Variants in NAV3 observed in about 807,000 individuals in gnomAD.
NAV3 encodes neuron navigator 3.
A neutral mutation model predicts 244.7 loss-of-function variants in NAV3; 87 were observed. The ratio of observed to expected loss-of-function variants is 0.36; its 90% CI spans 0.30 to 0.42. NAV3 has a LOEUF of 0.42. Ranked by LOEUF, NAV3 falls within the 20% of genes least tolerant of loss-of-function variation. NAV3 has a pLI of 1.00. For missense variants in NAV3, 2,663 were observed against 2,893.3 expected, an observed-to-expected ratio of 0.92 and a Z score of 1.83; for synonymous variants, 1,126 against 1,042.2, an observed-to-expected ratio of 1.08 and a Z score of -1.55.
At chr12:78,067,530 T>C (rs1329901787) in intron 12 of NAV3, among the ~76,000 whole-genome samples, 6 of 152,066 alleles carry the variant, frequency 3.9e-5, no homozygotes, top group Admixed American at 3.3e-4. Flanking sequence ...GTGAATAACC[T>C]CAGAGGCTTC....
chr12:78,146,580 G>C (rs928312254), intron 21 of NAV3, among the ~76,000 whole-genome samples, 188 bp downstream of exon 21: 4 of 152,082 alleles, frequency 2.6e-5, no homozygotes, highest in African/African-American at 9.7e-5. Context: ...AAGGAAGTTT[G>C]TATAGCAAGC....
intron 18 of NAV3, among the ~76,000 whole-genome samples, chr12:78,129,207 G>A (rs1380417162): frequency 6.6e-6 from 1 of 152,100 alleles, no homozygotes; most frequent in Non-Finnish European, 1.5e-5. Context: ...TTTAATCCCA[G>A]GGGCCTTTCC....
intron 11 of NAV3, among the ~76,000 whole-genome samples, chr12:78,052,998 C>T (rs140283761): frequency 0.015 from 2,352 of 152,020 alleles, 68 homozygotes; most frequent in African/African-American, 0.053. Flanking sequence ...GCAGATGGAT[C>T]GCCTGAGGTC....
At chr12:77,605,274 T>C (rs1163727110) in intron 2 of NAV3, among the ~76,000 whole-genome samples, 1 of 152,114 alleles carries the variant, frequency 6.6e-6, no homozygotes, top group Non-Finnish European at 1.5e-5. Context: ...CCCCACAAAG[T>C]ATTATAGGTA....
At chr12:77,968,483 A>G (rs770775201) in intron 4 of NAV3, 36 bp from the exon 5 acceptor site, 2 of 1,521,642 alleles carry the variant, frequency 1.3e-6, no homozygotes, top group African/African-American at 2.8e-5. Flanking sequence ...CATTAAATAC[A>G]TATGATTCTT....
chr12:78,200,597 G>A lies in NAV3; in HGVS notation c.6834+6G>A. 7.2e-7 allele frequency: 1 copy of A among 1,391,716 alleles called. No individual in the cohort carries two copies. The highest frequency in any genetic ancestry group is 1.5e-5 in the South Asian group (1 of 67,536). The allele number at this position is 1,391,716 out of a possible 1,614,324, so 86.2% of individuals were successfully genotyped here. A position where few individuals can be genotyped will look rare whatever the true frequency, so the allele number is the denominator to read the frequency against. Reference sequence around the variant, plus strand: ...CAGTGAGAGAGGGTCTTCAGGTATAGTACTCAATTTTCATTGCTATTTTTT... The same window carrying A: ...CAGTGAGAGAGGGTCTTCAGGTATAATACTCAATTTTCATTGCTATTTTTT... On this transcript the variant is annotated splice_donor_region_variant and intron_variant, in intron 38 of 39. Coordinates refer to ENST00000397909, the MANE Select transcript of NAV3 (RefSeq NM_001024383.2).
intron 2 of NAV3, among the ~76,000 whole-genome samples, chr12:77,612,577 T>A (rs1012794018): frequency 5.9e-5 from 9 of 152,108 alleles, no homozygotes; most frequent in African/African-American, 2.2e-4. Flanking sequence ...GGTATGTGCC[T>A]TTATCTAAAC....
At chr12:77,626,067 T>A (rs867985142) in intron 2 of NAV3, among the ~76,000 whole-genome samples, 3 of 152,028 alleles carry the variant, frequency 2.0e-5, no homozygotes, top group Admixed American at 1.3e-4. Context: ...CAACTCGTGA[T>A]CTAAATGAAA....
At chr12:78,185,827 GTCATAC>G (rs1958691051) in intron 31 of NAV3, 129 bp downstream of exon 31, 2 of 712,214 alleles carry the variant, frequency 2.8e-6, no homozygotes, top group African/African-American at 3.6e-5. Context: ...AGCTTAACAT[GTCATAC>G]AAACATGAAA....
chr12:78,109,815 T>C (rs1566144637), intron 12 of NAV3, among the ~76,000 whole-genome samples: 1 of 151,950 alleles, frequency 6.6e-6, no homozygotes, highest in Non-Finnish European at 1.5e-5. Context: ...AAAGGCCATA[T>C]GTGACAAACT....
chr12:78,064,252 A>G (rs1162259927), intron 12 of NAV3, among the ~76,000 whole-genome samples: 2 of 152,156 alleles, frequency 1.3e-5, no homozygotes, highest in South Asian at 4.1e-4. Context: ...AGTTTTTCAC[A>G]GTTCTGGAGG....
At chr12:78,009,993 T>G (rs945262324) in intron 8 of NAV3, among the ~76,000 whole-genome samples, 2 of 152,158 alleles carry the variant, frequency 1.3e-5, no homozygotes, top group Non-Finnish European at 2.9e-5. Flanking sequence ...GGTGGGAGGA[T>G]GACTTGAGGC....
chr12:78,073,558 A>C (rs1394353460), intron 12 of NAV3, among the ~76,000 whole-genome samples: 2 of 152,018 alleles, frequency 1.3e-5, no homozygotes, highest in East Asian at 1.9e-4. Context: ...CAAATGGAAG[A>C]ACATTCCATG....
chr12:77,625,573 C>G (rs185335281), intron 2 of NAV3, among the ~76,000 whole-genome samples: 1 of 152,266 alleles, frequency 6.6e-6, no homozygotes, highest in African/African-American at 2.4e-5. Flanking sequence ...CTGCCATTAC[C>G]ACTAATGCCC....
Position 77,650,216 on chromosome 12 carries a change from A to T in NAV3, c.72+77950A>T, listed in dbSNP as rs17044051. Among the ~76,000 whole-genome samples the T allele has an allele frequency of 2.1e-3, 319 of 152,326 alleles. 7 individuals are homozygous for T. In the East Asian group the frequency reaches 0.058, roughly 28 times the overall value. On this transcript the variant is annotated intron_variant, in intron 2 of 8. Coordinates refer to the NAV3 transcript ENST00000550042. ...TAATAAAAATGTTCCTTACGCAAATAATCACACACAGAGTAGTTTAATTTC... is the reference window on the plus strand; with the variant it reads ...TAATAAAAATGTTCCTTACGCAAATTATCACACACAGAGTAGTTTAATTTC...
intron 1 of NAV3, among the ~76,000 whole-genome samples, chr12:77,857,929 T>C (rs946869988): frequency 6.6e-6 from 1 of 152,056 alleles, no homozygotes; most frequent in African/African-American, 2.4e-5. Flanking sequence ...ACTGGTATGT[T>C]TGTAAGGGCA....
intron 9 of NAV3, among the ~76,000 whole-genome samples, chr12:78,039,614 T>G (rs1244469917): frequency 6.6e-6 from 1 of 152,064 alleles, no homozygotes. Context: ...AGAATAAGAT[T>G]TATTCATACA....
chr12:77,740,637 T>C (rs1049948971), intron 2 of NAV3, among the ~76,000 whole-genome samples: 1 of 152,170 alleles, frequency 6.6e-6, no homozygotes, highest in African/African-American at 2.4e-5. Context: ...GGTACTGTAA[T>C]GATAAATCCC....
chr12:78,160,930 C>T (rs537884437), intron 23 of NAV3, among the ~76,000 whole-genome samples: 1 of 151,286 alleles, frequency 6.6e-6, no homozygotes, highest in Non-Finnish European at 1.5e-5. Context: ...CTTCCTTTCT[C>T]CTCCCTTACA....
Sources: gnomAD v4.1 joint callset for allele counts (sites outside exome capture counted in the v4.1 genomes callset) on GRCh38, gnomAD v4.1.1 for gene constraint, MANE v1.5 for transcripts, NCBI Gene and HGNC (gene_info 2026-07-23, HGNC 2026-07-21) for gene names.